The following SLC44A1 variants were observed in gnomAD, a reference collection of about 807,000 sequenced individuals.
The protein encoded by SLC44A1 is choline transporter-like protein 1.
In SLC44A1, 26 loss-of-function variants were observed where a neutral mutation model predicts 79.3. The ratio of observed to expected loss-of-function variants is 0.33; its 90% CI spans 0.24 to 0.46. SLC44A1 has a LOEUF of 0.46. SLC44A1 is among the 20% of genes least tolerant of loss of function. SLC44A1 has a pLI of 1.00. For synonymous variants in SLC44A1, 263 were observed against 286.2 expected (o/e 0.92, Z 0.82); for missense variants, 688 against 798.1 (o/e 0.86, Z 1.66).
chr9:105,268,755 T>TC (rs35357595), intron 1 of SLC44A1, among the ~76,000 whole-genome samples: 31,908 of 152,020 alleles, frequency 0.21, 5,897 homozygotes, highest in African/African-American at 0.5. Context: ...CGCCTTGGCC[T>TC]CCAAAGTGCT....
rs966029022 is a variant in SLC44A1, at chr9:105,363,095, A to G, written c.1087+88A>G. 8 of 1,061,326 alleles carry G rather than the reference A, an allele frequency of 7.5e-6. No homozygotes were observed. The African/African-American group carries it at 1.3e-4, about 17-fold the overall frequency. 65.7% of individuals were successfully genotyped at this position (1,061,326 alleles called of 1,614,324 possible). A position where few individuals can be genotyped will look rare whatever the true frequency, so the allele number is the denominator to read the frequency against. Reference sequence around the variant, plus strand: ...ATCAGAGAGAGGTAATTCTTCAGACATTTGTTGATGAAGGTCCAATAGCCA... The same window carrying G: ...ATCAGAGAGAGGTAATTCTTCAGACGTTTGTTGATGAAGGTCCAATAGCCA... On this transcript the variant is annotated intron_variant, in intron 9 of 15. Transcript: ENST00000374720.
chr9:105,356,334 T>G lies in SLC44A1; in HGVS notation c.623T>G (p.Val208Gly). ...GTCTTACACAGGCTGATTAGTGGAGTAATGACCAGCAAAGAAATTATATTG... is the reference window on the plus strand; with the variant it reads ...GTCTTACACAGGCTGATTAGTGGAGGAATGACCAGCAAAGAAATTATATTG... ...NSVLHRLISG[V>G]MTSKEIILGL... Residue 208 changes from valine to glycine, a missense_variant, in exon 6 of 16, where the codon GTA becomes GGA. Transcript: ENST00000374720. The G allele has an allele frequency of 6.2e-7, 1 of 1,608,164 alleles. No individual in the cohort carries two copies. Among genetic ancestry groups the G allele is most frequent in the Non-Finnish European group, 8.5e-7 (1 of 1,177,614 alleles).
chr9:105,298,111 G>GAA (rs3030594), intron 1 of SLC44A1, among the ~76,000 whole-genome samples: 6,358 of 145,360 alleles, frequency 0.044, 456 homozygotes, highest in African/African-American at 0.15. Flanking sequence ...ATTGAAATAA[G>GAA]AAAAAAAAAA....
At chr9:105,425,146 A>C (rs561682484) in intron 15 of SLC44A1, among the ~76,000 whole-genome samples, 8 of 152,266 alleles carry the variant, frequency 5.3e-5, no homozygotes, top group South Asian at 4.1e-4. Context: ...TTTTCACTTA[A>C]AGTTATATCA....
chr9:105,374,900 A>G (rs1314769442), intron 13 of SLC44A1, among the ~76,000 whole-genome samples, 165 bp downstream of exon 13: 1 of 152,240 alleles, frequency 6.6e-6, no homozygotes, highest in Non-Finnish European at 1.5e-5. Context: ...TACTTGACAT[A>G]TATTGTGCTC....
chr9:105,428,197 G>A (rs890506010), intron 15 of SLC44A1, among the ~76,000 whole-genome samples: 19 of 151,518 alleles, frequency 1.3e-4, no homozygotes, highest in African/African-American at 4.1e-4. Flanking sequence ...ATTCCCTTAC[G>A]CCCCCAAATC....
intron 1 of SLC44A1, among the ~76,000 whole-genome samples, chr9:105,258,946 C>T (rs573308518): frequency 6.6e-6 from 1 of 151,780 alleles, no homozygotes; most frequent in African/African-American, 2.4e-5. Flanking sequence ...CTCAGGTGAT[C>T]CGCCCGCCTA....
intron 12 of SLC44A1, among the ~76,000 whole-genome samples, chr9:105,369,553 G>T (rs1312819483): frequency 6.6e-6 from 1 of 152,130 alleles, no homozygotes; most frequent in East Asian, 1.9e-4. Flanking sequence ...CAAACATTCA[G>T]ACCATAGCAT....
At chr9:105,431,661 G>C (rs887817616) in intron 15 of SLC44A1, among the ~76,000 whole-genome samples, 2 of 152,124 alleles carry the variant, frequency 1.3e-5, no homozygotes, top group African/African-American at 4.8e-5. Context: ...TCTCCATAGA[G>C]ACAAAAAGAC....
chr9:105,392,860 A>C lies in SLC44A1; in HGVS notation c.*3804A>C. On this transcript the variant is annotated 3_prime_UTR_variant, in exon 16 of 16. Transcript: ENST00000374720. ...TGTCATTTAAATTGGACTTTCCAAT[A>C]GCCTTAACATGGCCTCTGAGAAGTT... 1 of 985,334 alleles carries C rather than the reference A, an allele frequency of 1.0e-6. No homozygotes were observed. Among genetic ancestry groups the C allele is most frequent in the Non-Finnish European group, 1.2e-6 (1 of 829,816 alleles). 61.0% of individuals were successfully genotyped at this position (985,334 alleles called of 1,614,324 possible).
chr9:105,260,696 C>G (rs143010760), intron 1 of SLC44A1, among the ~76,000 whole-genome samples: 19 of 152,278 alleles, frequency 1.2e-4, no homozygotes, highest in Non-Finnish European at 2.8e-4. Flanking sequence ...ACAAAAGAAT[C>G]CTTCAAGTTT....
At chr9:105,342,316 C>G (rs1564447553) in intron 4 of SLC44A1, among the ~76,000 whole-genome samples, 1 of 152,196 alleles carries the variant, frequency 6.6e-6, no homozygotes, top group Non-Finnish European at 1.5e-5. Flanking sequence ...ATCCCTTTGT[C>G]CAGCATATCC....
At chr9:105,300,615 A>G (rs1830851771) in intron 2 of SLC44A1, among the ~76,000 whole-genome samples, 1 of 152,198 alleles carries the variant, frequency 6.6e-6, no homozygotes, top group African/African-American at 2.4e-5. Flanking sequence ...TTTTAAAGAT[A>G]AAAGCACCGT....
At chr9:105,321,655 G>A (rs940661340) in intron 3 of SLC44A1, among the ~76,000 whole-genome samples, 11 of 151,964 alleles carry the variant, frequency 7.2e-5, no homozygotes, top group Non-Finnish European at 1.3e-4. Flanking sequence ...GAAATGAGGC[G>A]CTTAAATTAT....
At chr9:105,263,160 T>C (rs1462912249) in intron 1 of SLC44A1, among the ~76,000 whole-genome samples, 1 of 152,218 alleles carries the variant, frequency 6.6e-6, no homozygotes, top group African/African-American at 2.4e-5. Flanking sequence ...TTATGTCACA[T>C]ACTCTACGTG....
At chr9:105,341,397 A>G (rs1015715720) in intron 4 of SLC44A1, among the ~76,000 whole-genome samples, 2 of 151,978 alleles carry the variant, frequency 1.3e-5, no homozygotes, top group African/African-American at 4.8e-5. Context: ...GAATGCTAGT[A>G]CATGAGTTGG....
intron 13 of SLC44A1, among the ~76,000 whole-genome samples, chr9:105,381,692 A>T (rs2131462020): frequency 6.6e-6 from 1 of 152,352 alleles, no homozygotes; most frequent in South Asian, 2.1e-4. Context: ...ATAAGAGAAG[A>T]TTCATAAGTG....
At chr9:105,307,604 A>C (rs976570391) in intron 2 of SLC44A1, among the ~76,000 whole-genome samples, 24 of 151,630 alleles carry the variant, frequency 1.6e-4, no homozygotes, top group African/African-American at 5.8e-4. Context: ...AGATCGTGCC[A>C]CTGTGTTCCA....
At chr9:105,347,031 G>A (rs1171932727) in intron 4 of SLC44A1, among the ~76,000 whole-genome samples, 1 of 151,990 alleles carries the variant, frequency 6.6e-6, no homozygotes, top group Non-Finnish European at 1.5e-5. Context: ...GGTGGTTTGT[G>A]CCTTTCTAAA....
Sources: allele counts gnomAD v4.1 joint callset (sites outside exome capture counted in the v4.1 genomes callset), GRCh38; gene constraint gnomAD v4.1.1; transcripts MANE v1.5; gene names NCBI Gene and HGNC (gene_info 2026-07-23, HGNC 2026-07-21).